ANKS1B: variants seen among roughly 807,000 people sequenced by gnomAD.
The protein encoded by ANKS1B is ankyrin repeat and sterile alpha motif domain containing 1B.
In ANKS1B, 36 loss-of-function variants were observed where a neutral mutation model predicts 148.3. That is an observed-to-expected ratio of 0.24 (90% CI 0.19 to 0.32). The LOEUF is 0.32. Ranked by LOEUF, ANKS1B falls within the 10% of genes least tolerant of loss-of-function variation. The pLI, the probability that ANKS1B is intolerant of heterozygous loss-of-function variation, is 1.00. For synonymous variants in ANKS1B, 542 were observed against 560.8 expected (o/e 0.97, Z 0.47); for missense variants, 1,157 against 1,542.6 (o/e 0.75, Z 4.19).
chr12:99,004,637 A>G (rs2099935041), intron 17 of ANKS1B, among the ~76,000 whole-genome samples: 1 of 147,628 alleles, frequency 6.8e-6, no homozygotes, highest in African/African-American at 2.5e-5. Context: ...GGAAGGAGGC[A>G]GGGCTAAAGT....
At chr12:99,732,709 C>A (rs564353373) in intron 8 of ANKS1B, among the ~76,000 whole-genome samples, 1 of 152,100 alleles carries the variant, frequency 6.6e-6, no homozygotes, top group South Asian at 2.1e-4. Flanking sequence ...CAAATGAATC[C>A]TGAATGAATT....
At chr12:99,955,702 T>C (rs568868207) in intron 1 of ANKS1B, among the ~76,000 whole-genome samples, 2 of 152,094 alleles carry the variant, frequency 1.3e-5, no homozygotes, top group East Asian at 1.9e-4. Context: ...ACAAAGAACA[T>C]ACATTTAAAC....
At chr12:99,267,561 A>ACATTCATTCATT (rs10527065) in intron 12 of ANKS1B, among the ~76,000 whole-genome samples, 3,087 of 151,600 alleles carry the variant, frequency 0.02, 72 homozygotes, top group East Asian at 0.064. Flanking sequence ...ATTTGGCTGT[A>ACATTCATTCATT]CATTCATTCA....
At chr12:99,576,287 A>G (rs577443824) in intron 9 of ANKS1B, among the ~76,000 whole-genome samples, 1 of 152,198 alleles carries the variant, frequency 6.6e-6, no homozygotes, top group East Asian at 1.9e-4. Flanking sequence ...TTAGATAACC[A>G]CACAATAATA....
intron 9 of ANKS1B, among the ~76,000 whole-genome samples, chr12:99,627,943 G>A (rs992214716): frequency 2.2e-4 from 33 of 152,164 alleles, no homozygotes; most frequent in African/African-American, 6.5e-4. Context: ...TACCCATCTC[G>A]CATTCCACAA....
At chr12:99,502,003 C>T (rs2096660427) in intron 10 of ANKS1B, among the ~76,000 whole-genome samples, 1 of 152,040 alleles carries the variant, frequency 6.6e-6, no homozygotes, top group Non-Finnish European at 1.5e-5. Flanking sequence ...CCTGATCAGC[C>T]TTGTTATCTG....
chr12:99,947,255 CA>C (rs58317609), intron 1 of ANKS1B, among the ~76,000 whole-genome samples: 7,341 of 128,986 alleles, frequency 0.057, 261 homozygotes, highest in African/African-American at 0.097. Flanking sequence ...TAAAGTAATA[CA>C]AAAAAAAAAA....
chr12:98,911,747 A>C (rs2152841511), intron 17 of ANKS1B, among the ~76,000 whole-genome samples: 1 of 152,194 alleles, frequency 6.6e-6, no homozygotes, highest in African/African-American at 2.4e-5. Context: ...CTGTGTATGC[A>C]CCCCTACAAA....
intron 12 of ANKS1B, among the ~76,000 whole-genome samples, chr12:99,296,610 G>A (rs1004395123): frequency 3.3e-5 from 5 of 151,932 alleles, no homozygotes; most frequent in African/African-American, 1.2e-4. Flanking sequence ...TTGTTTTGTT[G>A]ACTTAACAGC....
intron 17 of ANKS1B, among the ~76,000 whole-genome samples, chr12:99,035,286 T>G (rs1262083356): frequency 6.6e-6 from 1 of 152,106 alleles, no homozygotes; most frequent in Non-Finnish European, 1.5e-5. Flanking sequence ...CACAGAGAAA[T>G]TATCTGACTT....
chr12:99,626,929 C>G (rs571117213), intron 9 of ANKS1B, among the ~76,000 whole-genome samples: 2 of 152,106 alleles, frequency 1.3e-5, no homozygotes, highest in Non-Finnish European at 2.9e-5. Context: ...GATTGTTTCT[C>G]CCTTCTATTA....
intron 2 of ANKS1B, among the ~76,000 whole-genome samples, chr12:99,819,799 TGAAAA>T (rs1339218859): frequency 3.4e-5 from 5 of 147,504 alleles, no homozygotes; most frequent in African/African-American, 1.3e-4. Context: ...AAATAATGGA[TGAAAA>T]GAAGAGAGGA....
At chr12:99,328,479 T>G (rs1273810603) in intron 12 of ANKS1B, among the ~76,000 whole-genome samples, 1 of 151,864 alleles carries the variant, frequency 6.6e-6, no homozygotes, top group East Asian at 1.9e-4. Flanking sequence ...TTGCTCCCAT[T>G]AGTCAGATTA....
chr12:99,807,091 G>C (rs944126428), intron 3 of ANKS1B, among the ~76,000 whole-genome samples: 1 of 152,138 alleles, frequency 6.6e-6, no homozygotes, highest in Non-Finnish European at 1.5e-5. Flanking sequence ...TAATAGACTG[G>C]CTTTCCAAAA....
chr12:99,594,741 TCAA>T (rs1466739171), intron 9 of ANKS1B, among the ~76,000 whole-genome samples: 4 of 151,928 alleles, frequency 2.6e-5, no homozygotes, highest in African/African-American at 9.7e-5. Flanking sequence ...GAGTTGCTAT[TCAA>T]TGGATATAAA....
chr12:99,083,245 A>G (rs2050454156), intron 16 of ANKS1B, among the ~76,000 whole-genome samples: 1 of 152,214 alleles, frequency 6.6e-6, no homozygotes, highest in Non-Finnish European at 1.5e-5. Context: ...GAGAAAGTAT[A>G]GCCTCTCTAG....
At chr12:99,278,560 C>T (rs2077983714) in intron 12 of ANKS1B, among the ~76,000 whole-genome samples, 1 of 152,100 alleles carries the variant, frequency 6.6e-6, no homozygotes, top group African/African-American at 2.4e-5. Flanking sequence ...ACTTCCTCCC[C>T]CTCTTTGATT....
At position 99,504,583 on chromosome 12, in the gene ANKS1B, T is replaced by A; in HGVS notation, c.1331A>T (p.Asp444Val). The A allele has an allele frequency of 6.2e-7, 1 of 1,612,042 alleles. No individual in the cohort carries two copies. The highest frequency in any genetic ancestry group is 1.1e-5 in the South Asian group (1 of 90,872). Residue 444 changes from aspartate to valine, a missense_variant, in exon 10 of 27, where the codon GAT becomes GTT. Asp to Val is a radical substitution (Grantham distance 152). This residue lies in a region of ANKS1B where 661 missense variants were observed against 642.1 expected (regional missense o/e 1.03). Transcript: ENST00000683438. ...TMEIVPSASL[D>V]TFPSENENFL... ...GTTCTCATTTTCTGAAGGAAATGTA[T>A]CCAGAGAAGCAGATGGTACAATTTC...
intron 4 of ANKS1B, among the ~76,000 whole-genome samples, chr12:99,801,773 G>T (rs1295861000): frequency 6.6e-6 from 1 of 152,146 alleles, no homozygotes; most frequent in African/African-American, 2.4e-5. Context: ...ATTTGTCAGA[G>T]TTCCCACGTG....
Sources: allele counts gnomAD v4.1 joint callset (sites outside exome capture counted in the v4.1 genomes callset), GRCh38; gene constraint gnomAD v4.1.1; regional missense constraint gnomAD v4.1.1; transcripts MANE v1.5; gene names NCBI Gene and HGNC (gene_info 2026-07-23, HGNC 2026-07-21).